The following SRBD1 variants were observed in gnomAD, a reference collection of about 807,000 sequenced individuals.
SRBD1 encodes S1 RNA binding domain 1.
A neutral mutation model predicts 115.3 loss-of-function variants in SRBD1; 88 were observed. That is an observed-to-expected ratio of 0.76 (90% confidence interval 0.64 to 0.91). The LOEUF (loss-of-function observed/expected upper bound fraction) is 0.91. Among genes scored for constraint, SRBD1 ranks in the 40% least tolerant of loss-of-function variants. SRBD1 has a pLI of 0.00. For missense variants in SRBD1, 1,385 were observed against 1,177.4 expected (o/e 1.18, Z -2.58); for synonymous variants, 509 against 407.7 (o/e 1.25, Z -2.99).
chr2:45,460,880 C>T (rs1299703353), intron 16 of SRBD1, among the ~76,000 whole-genome samples: 1 of 152,130 alleles, frequency 6.6e-6, no homozygotes, highest in Non-Finnish European at 1.5e-5. Context: ...GAAATTTCTA[C>T]CTCAATCTGG....
Position 45,586,901 on chromosome 2 carries a change from G to C in SRBD1, c.649-1127C>G, listed in dbSNP as rs1433230690. On this transcript the variant is annotated intron_variant, in intron 4 of 20. Transcript: ENST00000263736. Reference sequence around the variant, plus strand: ...AAATATTATTTATTTAAAATCATTGGTATTTTAAATATTTAATTATTTTAA... The same window carrying C: ...AAATATTATTTATTTAAAATCATTGCTATTTTAAATATTTAATTATTTTAA... Among the ~76,000 whole-genome samples the C allele has an allele frequency of 1.5e-4, 8 of 52,362 alleles. No individual in the cohort carries two copies. In the South Asian group the frequency reaches 1.9e-3, roughly 13 times the overall value. The allele number at this position is 52,362 out of a possible 152,430, so 34.4% of individuals were successfully genotyped here.
intron 14 of SRBD1, among the ~76,000 whole-genome samples, chr2:45,492,493 C>T (rs547571353): frequency 5.1e-4 from 78 of 152,286 alleles, no homozygotes; most frequent in African/African-American, 1.7e-3. Flanking sequence ...GGCTGGAGTG[C>T]AGTGGCGCCA....
chr2:45,490,025 G>T (rs2103859452), intron 14 of SRBD1, among the ~76,000 whole-genome samples: 1 of 152,176 alleles, frequency 6.6e-6, no homozygotes, highest in South Asian at 2.1e-4. Flanking sequence ...GGACATACAG[G>T]AGTCAAATAC....
At chr2:45,546,911 G>A (rs6708810) in intron 13 of SRBD1, 72 bp from the exon 14 acceptor site, 564,895 of 1,368,310 alleles carry the variant, frequency 0.41, 124,225 homozygotes, top group Non-Finnish European at 0.47. Flanking sequence ...AAAATGTACA[G>A]AATGCACAAA....
Position 45,605,401 on chromosome 2 carries a change from T to C in SRBD1, c.41A>G (p.Asp14Gly), listed in dbSNP as rs117128794. Residue 14 changes from aspartate to glycine, a missense_variant, in exon 2 of 21, where the codon GAT (aspartate) becomes GGT (glycine). Transcript: ENST00000263736. ...AGAAAATTCATCTTTCAGTACCACA[T>C]CCTGGACCTGTACTTTCGCTCTTCT... ...LPRRAKVQVQ[D>G]VVLKDEFSSF... The C allele has an allele frequency of 1.9e-6, 3 of 1,613,820 alleles. No homozygotes were observed. In the East Asian group the frequency reaches 6.7e-5, roughly 36 times the overall value.
chr2:45,478,000 C>T (rs1172587251), intron 15 of SRBD1, among the ~76,000 whole-genome samples: 1 of 150,576 alleles, frequency 6.6e-6, no homozygotes, highest in Non-Finnish European at 1.5e-5. Flanking sequence ...TAAAAATTCA[C>T]ATCTAATTTC....
At chr2:45,557,545 A>G (rs1300875370) in intron 10 of SRBD1, among the ~76,000 whole-genome samples, 1 of 152,192 alleles carries the variant, frequency 6.6e-6, no homozygotes, top group Non-Finnish European at 1.5e-5. Context: ...GGATGCCTCA[A>G]TCATGCCCAT....
chr2:45,557,666 T>A (rs1672525393), intron 10 of SRBD1, among the ~76,000 whole-genome samples: 1 of 152,314 alleles, frequency 6.6e-6, no homozygotes, highest in African/African-American at 2.4e-5. Context: ...TTCCTGCCCT[T>A]CACCGGCTTC....
chr2:45,402,688 T>C (rs1334184570), intron 19 of SRBD1, among the ~76,000 whole-genome samples: 1 of 152,186 alleles, frequency 6.6e-6, no homozygotes, highest in Non-Finnish European at 1.5e-5. Context: ...TTCCTGATAT[T>C]TTTCAAGTTA....
chr2:45,438,049 A>T (rs190885210), intron 16 of SRBD1, among the ~76,000 whole-genome samples: 1 of 152,218 alleles, frequency 6.6e-6, no homozygotes, highest in African/African-American at 2.4e-5. Context: ...GCATTCATCA[A>T]TTGTAACAAA....
At chr2:45,527,066 G>A (rs537680854) in intron 14 of SRBD1, among the ~76,000 whole-genome samples, 2 of 151,956 alleles carry the variant, frequency 1.3e-5, no homozygotes, top group South Asian at 2.1e-4. Context: ...GCTTTAATCT[G>A]AAAAGCATAC....
At chr2:45,513,206 G>T (rs1275622181) in intron 14 of SRBD1, among the ~76,000 whole-genome samples, 1 of 152,128 alleles carries the variant, frequency 6.6e-6, no homozygotes, top group Non-Finnish European at 1.5e-5. Flanking sequence ...GCATGCCAGA[G>T]AGCTGGACAG....
chr2:45,393,295 G>C (rs1667057533), intron 19 of SRBD1, among the ~76,000 whole-genome samples, 166 bp from the exon 20 acceptor site: 1 of 152,168 alleles, frequency 6.6e-6, no homozygotes, highest in African/African-American at 2.4e-5. Context: ...TCCTGAAAAA[G>C]AAAAGGCTGA....
intron 14 of SRBD1, among the ~76,000 whole-genome samples, chr2:45,527,634 C>G (rs958531128): frequency 6.6e-5 from 10 of 151,810 alleles, no homozygotes; most frequent in Non-Finnish European, 1.3e-4. Context: ...AAGCACCATT[C>G]TAAGTATTTT....
At chr2:45,513,369 C>G (rs1447971407) in intron 14 of SRBD1, among the ~76,000 whole-genome samples, 1 of 150,360 alleles carries the variant, frequency 6.7e-6, no homozygotes, top group East Asian at 1.9e-4. Context: ...AGTTATGTAA[C>G]AAGGGCTAGA....
chr2:45,541,816 T>G (rs985956417), intron 14 of SRBD1, among the ~76,000 whole-genome samples: 4 of 152,176 alleles, frequency 2.6e-5, no homozygotes, highest in African/African-American at 9.7e-5. Context: ...GTCCCAACAT[T>G]TGTGTCAGTC....
Position 45,584,113 on chromosome 2 carries a change from T to G in SRBD1, c.815+1495A>C, listed in dbSNP as rs73927566. Among the ~76,000 whole-genome samples, 1,442 of 152,274 alleles carry G rather than the reference T, an allele frequency of 9.5e-3. 16 individuals carry two copies. The highest frequency in any genetic ancestry group is 0.031 in the Middle Eastern group (9 of 294). On this transcript the variant is annotated intron_variant, in intron 5 of 20. Transcript: ENST00000263736. ...CCAAACAGAAAGCTTACTTCAGAAT[T>G]TGCAAACTGCTGGCCTTCTAGGTGT...
At chr2:45,502,365 T>C (rs1670660650) in intron 14 of SRBD1, among the ~76,000 whole-genome samples, 1 of 152,196 alleles carries the variant, frequency 6.6e-6, no homozygotes, top group Non-Finnish European at 1.5e-5. Flanking sequence ...CATGCTGCTA[T>C]AAAGACACAT....
At chr2:45,437,479 T>C (rs941938349) in intron 16 of SRBD1, among the ~76,000 whole-genome samples, 9 of 152,306 alleles carry the variant, frequency 5.9e-5, no homozygotes, top group Admixed American at 5.9e-4. Flanking sequence ...AAAGGTATCT[T>C]TGCAACAGGT....
Sources: gnomAD v4.1 joint callset for allele counts (sites outside exome capture counted in the v4.1 genomes callset) on GRCh38, gnomAD v4.1.1 for gene constraint, MANE v1.5 for transcripts, NCBI Gene and HGNC (gene_info 2026-07-23, HGNC 2026-07-21) for gene names.